Variants in NEDD4L observed in about 807,000 individuals in gnomAD.
The protein encoded by NEDD4L is NEDD4 like E3 ubiquitin protein ligase, also known as E3 ubiquitin-protein ligase NEDD4-like.
A neutral mutation model predicts 148.9 loss-of-function variants in NEDD4L; 54 were observed. The observed-to-expected ratio is 0.36, with a 90% CI of 0.29 to 0.45. The LOEUF (loss-of-function observed/expected upper bound fraction) is 0.45. NEDD4L is among the 20% of genes least tolerant of loss of function. NEDD4L has a pLI of 1.00. For missense variants in NEDD4L, 856 were observed against 1,233.8 expected (o/e 0.69, Z 4.59); for synonymous variants, 433 against 440.7 (o/e 0.98, Z 0.22).
chr18:58,396,635 T>A lies in NEDD4L; in HGVS notation c.*366T>A, dbSNP rs1602114632. 6.4e-6 allele frequency: 1 copy of A among 156,316 alleles called. No homozygotes were observed. Among genetic ancestry groups the A allele is most frequent in the African/African-American group, 2.4e-5 (1 of 41,626 alleles). The allele number at this position is 156,316 out of a possible 1,614,324, so 9.7% of individuals were successfully genotyped here. On this transcript the variant is annotated 3_prime_UTR_variant, in exon 31 of 31. Transcript: ENST00000400345. ...TATAGTATTACGACTCATGTTTACT[T>A]TTTAAAATGATTTAGACCGATTTTC... is the stretch of plus-strand genomic sequence containing the variant.
chr18:58,097,144 G>A (rs1472725631), intron 1 of NEDD4L, among the ~76,000 whole-genome samples: 10 of 152,138 alleles, frequency 6.6e-5, no homozygotes, highest in South Asian at 6.2e-4. Context: ...TGTTTTGTTC[G>A]CAAGACTTAT....
chr18:58,324,804 C>G (rs1362074981), intron 8 of NEDD4L, among the ~76,000 whole-genome samples, 192 bp from the exon 9 acceptor site: 1 of 152,096 alleles, frequency 6.6e-6, no homozygotes, highest in Non-Finnish European at 1.5e-5. Context: ...ATTTTTGAGG[C>G]CTTTCTAGAA....
In NEDD4L at chr18:58,389,174, C is replaced by T. The variant is rs2049449268; in HGVS notation, c.2637C>T (p.Val879=). 1 of 1,613,298 alleles carries T rather than the reference C, an allele frequency of 6.2e-7. No homozygotes were observed. The highest frequency in any genetic ancestry group is 1.3e-5 in the African/African-American group (1 of 75,058). ...ACGGCTACTGCCCAAACCACCCCGT[C>T]ATTCAGTGGTTCTGGAAGGTAACTC... is the stretch of plus-strand genomic sequence containing the variant. ...YKNGYCPNHP[V]IQWFWKAVLL... Residue 879 remains valine, a synonymous_variant, in exon 28 of 31, where the codon GTC becomes GTT. Transcript: ENST00000400345.
At chr18:58,253,440 C>T (rs1176821427) in intron 5 of NEDD4L, among the ~76,000 whole-genome samples, 1 of 152,148 alleles carries the variant, frequency 6.6e-6, no homozygotes, top group Non-Finnish European at 1.5e-5. Context: ...GATGAACAGT[C>T]GTACAGTGTA....
intron 1 of NEDD4L, among the ~76,000 whole-genome samples, chr18:58,064,667 A>G (rs749265490): frequency 6.6e-6 from 1 of 152,220 alleles, no homozygotes; most frequent in African/African-American, 2.4e-5. Context: ...TCCTGAATAC[A>G]AGGGCCGATT....
chr18:58,196,256 A>G (rs1364250810), intron 2 of NEDD4L, among the ~76,000 whole-genome samples: 2 of 152,216 alleles, frequency 1.3e-5, no homozygotes, highest in African/African-American at 4.8e-5. Context: ...AGCTAATGCA[A>G]TCAGCCAGCT....
intron 11 of NEDD4L, among the ~76,000 whole-genome samples, chr18:58,331,611 G>A (rs1488746483): frequency 1.3e-5 from 2 of 152,184 alleles, no homozygotes; most frequent in African/African-American, 2.4e-5. Flanking sequence ...ATACAAAACT[G>A]TGCAGAAATA....
Position 58,094,917 on chromosome 18 carries a change from A to G in NEDD4L, c.48+50209A>G, listed in dbSNP as rs1378429600. Reference sequence around the variant, plus strand: ...AGAGCACTTAAAAAAAAAAAAAAAAAAGAAGGGATTTCCCTGTTCATGGCC... The same window carrying G: ...AGAGCACTTAAAAAAAAAAAAAAAAGAGAAGGGATTTCCCTGTTCATGGCC... On this transcript the variant is annotated intron_variant, in intron 1 of 30. Transcript: ENST00000400345. Among the ~76,000 whole-genome samples the G allele has an allele frequency of 2.6e-5, 4 of 152,026 alleles. No individual in the cohort carries two copies. In the South Asian group the frequency reaches 6.2e-4, roughly 24 times the overall value.
chr18:58,389,010 AG>A (rs1188032422), intron 27 of NEDD4L, 74 bp from the exon 28 acceptor site: 1 of 1,158,460 alleles, frequency 8.6e-7, no homozygotes. Flanking sequence ...GCTGGCACTG[AG>A]GGTGGTCATT....
intron 1 of NEDD4L, chr18:58,149,242 AC>A (rs1227134248): frequency 2.7e-6 from 1 of 367,378 alleles, no homozygotes; most frequent in Admixed American, 4.6e-5. Context: ...TGAAGAGGTA[AC>A]TTGGCAGTCC....
intron 1 of NEDD4L, among the ~76,000 whole-genome samples, chr18:58,158,602 C>T (rs2035800642): frequency 6.6e-6 from 1 of 152,168 alleles, no homozygotes; most frequent in African/African-American, 2.4e-5. Flanking sequence ...GCACAGAATC[C>T]CACAGTCTTT....
At chr18:58,219,637 G>A (rs1463233874) in intron 2 of NEDD4L, among the ~76,000 whole-genome samples, 1 of 152,114 alleles carries the variant, frequency 6.6e-6, no homozygotes, top group Non-Finnish European at 1.5e-5. Context: ...ACCTGTGTCC[G>A]TGTCCTAATC....
At chr18:58,363,191 CAT>C (rs1469912291) in intron 19 of NEDD4L, among the ~76,000 whole-genome samples, 1 of 152,128 alleles carries the variant, frequency 6.6e-6, no homozygotes, top group Non-Finnish European at 1.5e-5. Context: ...TTTATATAAA[CAT>C]GTCTTAAAAC....
At chr18:58,138,703 C>G (rs1037031638) in intron 1 of NEDD4L, among the ~76,000 whole-genome samples, 2 of 152,134 alleles carry the variant, frequency 1.3e-5, no homozygotes, top group African/African-American at 4.8e-5. Context: ...GCTTCCTGGT[C>G]TGCAGATGGC....
Position 58,381,775 on chromosome 18 carries a change from C to T in NEDD4L, c.2353-1471C>T, listed in dbSNP as rs555330153. Among the ~76,000 whole-genome samples the T allele has an allele frequency of 5.9e-5, 9 of 152,296 alleles. No homozygotes were observed. In the South Asian group the frequency reaches 6.2e-4, roughly 11 times the overall value. On this transcript the variant is annotated intron_variant, in intron 24 of 30. Coordinates refer to ENST00000400345, the MANE Select transcript of NEDD4L (RefSeq NM_001144967.3). ...AAAAGGTATGGATGAGCACTGTCCA[C>T]GCACCTCTGAGAACCAGCCACGAAC...
At position 58,202,850 on chromosome 18, in the gene NEDD4L, A is replaced by G. The variant is rs191491341; in HGVS notation, c.122+36989A>G. On this transcript the variant is annotated intron_variant, in intron 2 of 30. Coordinates refer to ENST00000400345, the MANE Select transcript of NEDD4L (RefSeq NM_001144967.3). ...TTGTTAAGGGCCTATTGTGCTTGCT[A>G]GTATACACACCACTATGTAAGTTAC... is the stretch of plus-strand genomic sequence containing the variant. Among the ~76,000 whole-genome samples the G allele has an allele frequency of 9.8e-5, 15 of 152,302 alleles. No individual in the cohort carries two copies. In the East Asian group the frequency reaches 2.3e-3, roughly 23 times the overall value.
rs537030401 is a variant in NEDD4L at position 58,145,447 on chromosome 18, G to A, written c.49-20341G>A. On this transcript the variant is annotated intron_variant, in intron 1 of 30. Transcript: ENST00000400345. ...CCACATAATTTTTCTCAATGAAACA[G>A]ATTCTGGAGTAGGCAACGTTTTCCT... 2.6e-5 allele frequency among the ~76,000 whole-genome samples: 4 copies of A among 152,246 alleles called. No homozygotes were observed. The East Asian group carries it at 7.7e-4, about 29-fold the overall frequency.
At chr18:58,333,976 C>T in intron 12 of NEDD4L, 84 bp downstream of exon 12, 1 of 845,764 alleles carries the variant, frequency 1.2e-6, no homozygotes, top group Non-Finnish European at 1.8e-6. Flanking sequence ...AAGAGTTTTT[C>T]CTGTGTAAAT....
At chr18:58,321,921 T>C (rs2058814597) in intron 6 of NEDD4L, among the ~76,000 whole-genome samples, 1 of 152,230 alleles carries the variant, frequency 6.6e-6, no homozygotes. Flanking sequence ...CAGCAGAAGG[T>C]TGATCGGTGC....
Sources: gnomAD v4.1 joint callset for allele counts (sites outside exome capture counted in the v4.1 genomes callset) on GRCh38, gnomAD v4.1.1 for gene constraint, MANE v1.5 for transcripts, NCBI Gene and HGNC (gene_info 2026-07-23, HGNC 2026-07-21) for gene names.